Variants in ETV1 observed in about 807,000 individuals in gnomAD.
ETV1 encodes the protein ETS variant transcription factor 1.
Under a neutral mutation model 62.3 loss-of-function variants are expected in ETV1, and 27 were observed. The ratio of observed to expected loss-of-function variants is 0.43; its 90% CI spans 0.32 to 0.60. ETV1 has a LOEUF of 0.60. Among genes scored for constraint, ETV1 ranks in the 20% least tolerant of loss-of-function variants. The probability of loss-of-function intolerance (pLI) is 0.06; values close to 1 mark genes in which losing one functional copy is unlikely to be tolerated. For missense variants in ETV1, 605 were observed against 605.8 expected, an observed-to-expected ratio of 1.00 and a Z score of 0.01; for synonymous variants, 222 against 199.6, an observed-to-expected ratio of 1.11 and a Z score of -0.94.
chr7:13,929,744 G>T (rs761081867), intron 9 of ETV1, among the ~76,000 whole-genome samples: 1 of 152,150 alleles, frequency 6.6e-6, no homozygotes, highest in African/African-American at 2.4e-5. Context: ...CTTGGGCAGA[G>T]AATTCATAGG....
chr7:13,932,688 G>C (rs904479864), intron 8 of ETV1, among the ~76,000 whole-genome samples: 3 of 152,132 alleles, frequency 2.0e-5, no homozygotes, highest in Non-Finnish European at 4.4e-5. Flanking sequence ...CCACCACAAA[G>C]ATGTGGATTA....
intron 6 of ETV1, among the ~76,000 whole-genome samples, chr7:13,973,975 T>C (rs970355262): frequency 5.3e-5 from 8 of 152,208 alleles, no homozygotes; most frequent in Non-Finnish European, 8.8e-5. Flanking sequence ...TTACTTATTG[T>C]TCTCCTATAA....
At position 13,893,508 on chromosome 7, in the gene ETV1, TTA is replaced by T; in HGVS notation, c.*2356_*2357del. 4.3e-6 allele frequency: 1 copy of T among 231,592 alleles called. No homozygotes were observed. The allele number at this position is 231,592 out of a possible 1,614,324, so 14.3% of individuals were successfully genotyped here. ...AAAACATATAGTTTGTCCTTAAATA[TTA>T]TATAACTAATACCATTTCTGCCATT... On this transcript the variant is annotated 3_prime_UTR_variant, in exon 14 of 14. Coordinates refer to ENST00000430479, the MANE Select transcript of ETV1 (RefSeq NM_004956.5).
At chr7:13,976,093 G>A (rs997288253) in intron 6 of ETV1, among the ~76,000 whole-genome samples, 2 of 152,142 alleles carry the variant, frequency 1.3e-5, no homozygotes, top group African/African-American at 4.8e-5. Flanking sequence ...TATAGTTGCT[G>A]AGTAAGTTTC....
At chr7:13,975,253 G>A (rs1240978186) in intron 6 of ETV1, among the ~76,000 whole-genome samples, 2 of 152,070 alleles carry the variant, frequency 1.3e-5, no homozygotes, top group African/African-American at 4.8e-5. Flanking sequence ...GTGCTGGCAT[G>A]GTGCATGTAA....
intron 6 of ETV1, among the ~76,000 whole-genome samples, chr7:13,950,136 G>T (rs1033027057): frequency 6.6e-6 from 1 of 152,050 alleles, no homozygotes; most frequent in African/African-American, 2.4e-5. Context: ...TTTTAGCTTC[G>T]GAGACCTTTG....
Position 13,935,736 on chromosome 7 carries a change from G to C in ETV1, c.526C>G (p.Pro176Ala). Reference sequence around the variant, plus strand: ...TGGTCCATGGGGTAGCTGCTATCTGGTATGGACTGCGATGGAGGGAGGTGA... The same window carrying C: ...TGGTCCATGGGGTAGCTGCTATCTGCTATGGACTGCGATGGAGGGAGGTGA... ...PAHLPPSQSI[P>A]DSSYPMDHRF... The change falls in exon 8 of 14, where the codon CCA becomes GCA. Residue 176 changes from proline (P) to alanine (A), a missense_variant. By Grantham distance (27) the Pro-to-Ala change is conservative. Coordinates refer to ENST00000430479, the MANE Select transcript of ETV1 (RefSeq NM_004956.5). 2 of 1,613,870 alleles carry C rather than the reference G, an allele frequency of 1.2e-6. No individual in the cohort carries two copies. Among genetic ancestry groups the C allele is most frequent in the Non-Finnish European group, 8.5e-7 (1 of 1,179,878 alleles).
intron 8 of ETV1, among the ~76,000 whole-genome samples, chr7:13,933,504 G>T (rs930820644): frequency 6.6e-6 from 1 of 152,306 alleles, no homozygotes; most frequent in African/African-American, 2.4e-5. Context: ...TCAGGAAAAA[G>T]TGCCAAAGGG....
chr7:13,914,147 A>C (rs1215100677), intron 9 of ETV1, among the ~76,000 whole-genome samples: 1 of 151,244 alleles, frequency 6.6e-6, no homozygotes, highest in Non-Finnish European at 1.5e-5. Flanking sequence ...GGCCTCCCAA[A>C]GTGCTGGGAT....
chr7:13,943,736 C>A (rs912156348), intron 6 of ETV1, among the ~76,000 whole-genome samples: 1 of 151,848 alleles, frequency 6.6e-6, no homozygotes. Context: ...TACAAAGTTA[C>A]GGAAATATAT....
chr7:13,929,716 G>A (rs1785867079), intron 9 of ETV1, among the ~76,000 whole-genome samples: 1 of 152,204 alleles, frequency 6.6e-6, no homozygotes, highest in African/African-American at 2.4e-5. Flanking sequence ...TCAGGCCCTG[G>A]AAGTAGACTC....
At chr7:13,951,433 G>C (rs991433728) in intron 6 of ETV1, among the ~76,000 whole-genome samples, 2 of 152,076 alleles carry the variant, frequency 1.3e-5, no homozygotes, top group African/African-American at 4.8e-5. Context: ...TATAAAATGG[G>C]ATAATAACAG....
rs1171099397 is a variant in ETV1, at chr7:13,988,696, T to G, written c.45+312A>C. 5 of 1,612,406 alleles carry G rather than the reference T, an allele frequency of 3.1e-6. No homozygotes were observed. The Admixed American group carries it at 5.0e-5, about 16-fold the overall frequency. On this transcript the variant is annotated intron_variant, in intron 3 of 13. Transcript: ENST00000430479. ...TGTCTCAACTTCATTCTTTTCAATG[T>G]GGCAGACAAACCCAGCCAAAAACTT...
intron 6 of ETV1, among the ~76,000 whole-genome samples, chr7:13,946,268 C>A: frequency 6.6e-6 from 1 of 152,160 alleles, no homozygotes; most frequent in East Asian, 1.9e-4. Flanking sequence ...CTCCTCCGGA[C>A]AATCAAATTT....
At chr7:13,908,554 G>A (rs2237293) in intron 11 of ETV1, among the ~76,000 whole-genome samples, 101,680 of 151,866 alleles carry the variant, frequency 0.67, 34,346 homozygotes, top group African/African-American at 0.76. Context: ...GCTAACATCT[G>A]TTGTAGAATA....
intron 9 of ETV1, among the ~76,000 whole-genome samples, chr7:13,913,994 C>A (rs939217285): frequency 6.7e-6 from 1 of 149,840 alleles, no homozygotes; most frequent in Non-Finnish European, 1.5e-5. Flanking sequence ...GGCCATTCTC[C>A]TGCCTCAGCC....
intron 9 of ETV1, among the ~76,000 whole-genome samples, chr7:13,922,567 G>C (rs967153454): frequency 6.6e-6 from 1 of 152,202 alleles, no homozygotes; most frequent in Non-Finnish European, 1.5e-5. Context: ...GCAAGACAGC[G>C]AGACCCTATC....
At chr7:13,946,880 G>A (rs541962636) in intron 6 of ETV1, among the ~76,000 whole-genome samples, 18 of 152,140 alleles carry the variant, frequency 1.2e-4, no homozygotes, top group Middle Eastern at 3.4e-3. Flanking sequence ...CCCCTGCCTC[G>A]CGGGTTCAAG....
chr7:13,945,944 A>G (rs1430587219), intron 6 of ETV1, among the ~76,000 whole-genome samples: 1 of 152,198 alleles, frequency 6.6e-6, no homozygotes, highest in Non-Finnish European at 1.5e-5. Context: ...CTTTCGTTGA[A>G]CACGGCTCCA....
Sources: gnomAD v4.1 joint callset for allele counts (sites outside exome capture counted in the v4.1 genomes callset) on GRCh38, gnomAD v4.1.1 for gene constraint, MANE v1.5 for transcripts, NCBI Gene and HGNC (gene_info 2026-07-23, HGNC 2026-07-21) for gene names.